The following CRMP1 variants were observed in gnomAD, a reference collection of about 807,000 sequenced individuals.
CRMP1 encodes dihydropyrimidinase-related protein 1.
In CRMP1, 19 loss-of-function variants were observed where a neutral mutation model predicts 68.3. The observed-to-expected ratio is 0.28, with a 90% CI of 0.19 to 0.41. The LOEUF is 0.41. Among genes scored for constraint, CRMP1 ranks in the 10% least tolerant of loss-of-function variants. The probability of loss-of-function intolerance (pLI) is 1.00; values close to 1 mark genes in which losing one functional copy is unlikely to be tolerated. For synonymous variants in CRMP1, 439 were observed against 399.6 expected (o/e 1.10, Z -1.18); for missense variants, 791 against 967.4 (o/e 0.82, Z 2.42).
At chr4:5,823,801 C>A (rs1719081723) in intron 13 of CRMP1, among the ~76,000 whole-genome samples, 1 of 152,138 alleles carries the variant, frequency 6.6e-6, no homozygotes, top group Non-Finnish European at 1.5e-5. Flanking sequence ...AAGTAAACCT[C>A]TTTAATTACC....
In CRMP1 at chr4:5,828,388, G is replaced by A. The variant is rs544511573; in HGVS notation, c.1803+101C>T. 181 of 1,474,002 alleles carry A rather than the reference G, an allele frequency of 1.2e-4. No individual in the cohort carries two copies. In the African/African-American group the frequency reaches 1.9e-3, roughly 16 times the overall value. 91.3% of individuals were successfully genotyped at this position (1,474,002 alleles called of 1,614,324 possible). ...ATAAGGAAACGGAGGTTCCCAGGGC[G>A]ATGACATTATTAACTCTGCACACGT... On this transcript the variant is annotated intron_variant, in intron 12 of 13. Coordinates refer to ENST00000324989, the MANE Select transcript of CRMP1 (RefSeq NM_001014809.3).
chr4:5,842,780 T>A lies in CRMP1; in HGVS notation c.1032+313A>T, dbSNP rs1426086456. 6.6e-6 allele frequency among the ~76,000 whole-genome samples: 1 copy of A among 152,130 alleles called. No homozygotes were observed. The highest frequency in any genetic ancestry group is 1.5e-5 in the Non-Finnish European group (1 of 68,018). ...GGAGTTGTCTCCTGGGTGCTGGGCTTGGGCATGCGGCTCCACTTTCCTATT... is the reference window on the plus strand; with the variant it reads ...GGAGTTGTCTCCTGGGTGCTGGGCTAGGGCATGCGGCTCCACTTTCCTATT... On this transcript the variant is annotated intron_variant, in intron 7 of 13. Coordinates refer to ENST00000324989, the MANE Select transcript of CRMP1 (RefSeq NM_001014809.3). This position sits in a 1 kb window ranked among gnomAD's most constrained non-coding sequence, Gnocchi z 4.5.
intron 6 of CRMP1, among the ~76,000 whole-genome samples, chr4:5,845,263 T>C (rs1044176978): frequency 6.6e-6 from 1 of 152,202 alleles, no homozygotes; most frequent in African/African-American, 2.4e-5. Context: ...ACCTTGCTTC[T>C]GATGAGCAGA....
chr4:5,828,518 G>A lies in CRMP1; in HGVS notation c.1774C>T (p.Leu592=). Residue 592 remains leucine (L), a synonymous_variant, in exon 12 of 14, where the codon CTG becomes TTG. Coordinates refer to ENST00000324989, the MANE Select transcript of CRMP1 (RefSeq NM_001014809.3). Reference sequence around the variant, plus strand: ...TTCCTGATTTTGACGCGCTGGTACAGGTGCTCCGGGAACGCCTTCCGCGGA... The same window carrying A: ...TTCCTGATTTTGACGCGCTGGTACAAGTGCTCCGGGAACGCCTTCCGCGGA... ...FIPRKAFPEH[L]YQRVKIRNKV... 6.2e-7 allele frequency: 1 copy of A among 1,614,252 alleles called. No homozygotes were observed. Among genetic ancestry groups the A allele is most frequent in the South Asian group, 1.1e-5 (1 of 91,084 alleles).
chr4:5,840,531 G>C (rs891493252), intron 8 of CRMP1, among the ~76,000 whole-genome samples: 1 of 152,242 alleles, frequency 6.6e-6, no homozygotes, highest in African/African-American at 2.4e-5. Context: ...TCTGCAGCGA[G>C]GGGGGTGCCC....
At position 5,861,600 on chromosome 4, in the gene CRMP1, G is replaced by A. The variant is rs921243946; in HGVS notation, c.471-390C>T. ...AACAGGTGCCTGAAAACTTCCTCCA[G>A]GAGGTTAAATTCCAAATGGGGAAGG... On this transcript the variant is annotated intron_variant, in intron 2 of 13. Transcript: ENST00000324989. The surrounding 1 kb of genome is among the most constrained non-coding windows in gnomAD (Gnocchi z 6.0). Among the ~76,000 whole-genome samples, 9 of 152,154 alleles carry A rather than the reference G, an allele frequency of 5.9e-5. No homozygotes were observed. The highest frequency in any genetic ancestry group is 1.0e-4 in the Non-Finnish European group (7 of 68,018).
At chr4:5,827,221 A>G (rs1206739917) in intron 12 of CRMP1, among the ~76,000 whole-genome samples, 2 of 152,202 alleles carry the variant, frequency 1.3e-5, no homozygotes, top group Non-Finnish European at 2.9e-5. Context: ...CTTCAGACCA[A>G]GAAGGAAATG....
chr4:5,888,169 G>T lies in CRMP1; in HGVS notation c.381+4420C>A. On this transcript the variant is annotated intron_variant, in intron 1 of 13. Coordinates refer to ENST00000324989, the MANE Select transcript of CRMP1 (RefSeq NM_001014809.3). The surrounding 1 kb of genome is among the most constrained non-coding windows in gnomAD (Gnocchi z 6.4). ...CGCCCCGTGGATCTGGACCCTGCCGGGCGCCCACTCCCAGCCCACAAAGGC... is the reference window on the plus strand; with the variant it reads ...CGCCCCGTGGATCTGGACCCTGCCGTGCGCCCACTCCCAGCCCACAAAGGC... 1 of 1,235,710 alleles carries T rather than the reference G, an allele frequency of 8.1e-7. No homozygotes were observed. The allele number at this position is 1,235,710 out of a possible 1,614,324, so 76.5% of individuals were successfully genotyped here. A position where few individuals can be genotyped will look rare whatever the true frequency, so the allele number is the denominator to read the frequency against.
chr4:5,845,254 C>G (rs181050054), intron 6 of CRMP1, among the ~76,000 whole-genome samples: 326 of 152,314 alleles, frequency 2.1e-3, no homozygotes, highest in Non-Finnish European at 3.4e-3. Context: ...GGACCCAGCA[C>G]CTTGCTTCTG....
chr4:5,825,748 GA>G lies in CRMP1; in HGVS notation c.1804-90del. On this transcript the variant is annotated intron_variant, in intron 12 of 13. Transcript: ENST00000324989. The surrounding 1 kb of genome is among the most constrained non-coding windows in gnomAD (Gnocchi z 4.4). ...AAAGCAGAGCCCTGCGGGCGAGAGA[GA>G]AACCTGAGGTCACTTCAAATGTGCA... 1 of 1,363,530 alleles carries G rather than the reference GA, an allele frequency of 7.3e-7. No individual in the cohort carries two copies. Among genetic ancestry groups the G allele is most frequent in the East Asian group, 2.4e-5 (1 of 41,782 alleles). The allele number at this position is 1,363,530 out of a possible 1,614,324, so 84.5% of individuals were successfully genotyped here.
rs539519808 is a variant in CRMP1 at position 5,883,865 on chromosome 4, G to A, written c.381+8724C>T. Among the ~76,000 whole-genome samples, 8 of 152,358 alleles carry A rather than the reference G, an allele frequency of 5.3e-5. No individual in the cohort carries two copies. The East Asian group carries it at 1.3e-3, about 26-fold the overall frequency. On this transcript the variant is annotated intron_variant, in intron 1 of 13. Coordinates refer to ENST00000324989, the MANE Select transcript of CRMP1 (RefSeq NM_001014809.3). The surrounding 1 kb of genome is among the most constrained non-coding windows in gnomAD (Gnocchi z 4.5). ...CTTGGCCATGTTTATTAGAAGAAAT[G>A]GGCATTCACGGTTAAGGTGGTATAG...
intron 1 of CRMP1, among the ~76,000 whole-genome samples, chr4:5,874,619 A>T (rs1288004106): frequency 1.3e-5 from 2 of 152,210 alleles, no homozygotes; most frequent in South Asian, 2.1e-4. Context: ...GGAGGGGAAG[A>T]GGGAGGCAAC....
At chr4:5,833,514 G>A (rs1720521756) in intron 11 of CRMP1, among the ~76,000 whole-genome samples, 1 of 151,746 alleles carries the variant, frequency 6.6e-6, no homozygotes, top group Admixed American at 6.6e-5. Flanking sequence ...CACCCAACCT[G>A]TGGCACTTTA....
In CRMP1 at chr4:5,877,814, C is replaced by T. The variant is rs1714945476; in HGVS notation, c.382-11058G>A. On this transcript the variant is annotated intron_variant, in intron 1 of 13. Coordinates refer to ENST00000324989, the MANE Select transcript of CRMP1 (RefSeq NM_001014809.3). The surrounding 1 kb of genome is among the most constrained non-coding windows in gnomAD (Gnocchi z 4.3). ...TTTCAGGTCCCACTGTACCAGCAGACTTTCAGGGAGCACTCCCTGATGGAC... is the reference window on the plus strand; with the variant it reads ...TTTCAGGTCCCACTGTACCAGCAGATTTTCAGGGAGCACTCCCTGATGGAC... Among the ~76,000 whole-genome samples, 1 of 152,230 alleles carries T rather than the reference C, an allele frequency of 6.6e-6. No homozygotes were observed. The highest frequency in any genetic ancestry group is 2.4e-5 in the African/African-American group (1 of 41,454).
At position 5,877,543 on chromosome 4, in the gene CRMP1, G is replaced by A. The variant is rs999194385; in HGVS notation, c.382-10787C>T. Among the ~76,000 whole-genome samples, 23 of 152,246 alleles carry A rather than the reference G, an allele frequency of 1.5e-4. No individual in the cohort carries two copies. Among genetic ancestry groups the A allele is most frequent in the East Asian group, 7.7e-4 (4 of 5,174 alleles). ...TCCATTTGCCTTTGATTTTGCCTCC[G>A]GGGACGACAGCCTGTCAGCCAGTGG... On this transcript the variant is annotated intron_variant, in intron 1 of 13. Transcript: ENST00000324989. The surrounding 1 kb of genome is among the most constrained non-coding windows in gnomAD (Gnocchi z 4.3).
At chr4:5,878,180 C>G (rs1213816464) in intron 1 of CRMP1, among the ~76,000 whole-genome samples, 1 of 151,820 alleles carries the variant, frequency 6.6e-6, no homozygotes, top group African/African-American at 2.4e-5. Flanking sequence ...AGAGATGGTA[C>G]AGCAGCTAGG....
chr4:5,889,941 G>C lies in CRMP1; in HGVS notation c.381+2648C>G. The stretch of plus-strand genomic sequence containing the variant: ...TTTCCCATTTTACAGACAGGAAATT[G>C]AGGCTTACAGAGGTAAAATGATGTA... On this transcript the variant is annotated intron_variant, in intron 1 of 13. Transcript: ENST00000324989. The surrounding 1 kb of genome is among the most constrained non-coding windows in gnomAD (Gnocchi z 4.5). The C allele has an allele frequency of 7.4e-7, 1 of 1,349,556 alleles. No individual in the cohort carries two copies. The highest frequency in any genetic ancestry group is 2.9e-5 in the East Asian group (1 of 34,112). The allele number at this position is 1,349,556 out of a possible 1,614,324, so 83.6% of individuals were successfully genotyped here.
intron 13 of CRMP1, among the ~76,000 whole-genome samples, chr4:5,823,034 T>C (rs1718934236): frequency 6.6e-6 from 1 of 152,208 alleles, no homozygotes; most frequent in South Asian, 2.1e-4. Context: ...ACAACTGTCT[T>C]GGTGAATTTT....
At position 5,854,119 on chromosome 4, in the gene CRMP1, G is replaced by A. The variant is rs1273644057; in HGVS notation, c.820+2024C>T. On this transcript the variant is annotated intron_variant, in intron 4 of 13. Coordinates refer to ENST00000324989, the MANE Select transcript of CRMP1 (RefSeq NM_001014809.3). This position sits in a 1 kb window ranked among gnomAD's most constrained non-coding sequence, Gnocchi z 4.0. Reference sequence around the variant, plus strand: ...TCCTAAACGACCATTTGCTTAAGGCGGCAACCTGGGGAAAATTGCTCAGAA... The same window carrying A: ...TCCTAAACGACCATTTGCTTAAGGCAGCAACCTGGGGAAAATTGCTCAGAA... 6.6e-6 allele frequency among the ~76,000 whole-genome samples: 1 copy of A among 152,194 alleles called. No individual in the cohort carries two copies. Among genetic ancestry groups the A allele is most frequent in the Non-Finnish European group, 1.5e-5 (1 of 68,034 alleles).
Sources: allele counts gnomAD v4.1 joint callset (sites outside exome capture counted in the v4.1 genomes callset), GRCh38; gene constraint gnomAD v4.1.1; non-coding constraint Gnocchi (gnomAD v3.1); transcripts MANE v1.5; gene names NCBI Gene and HGNC (gene_info 2026-07-23, HGNC 2026-07-21).